Variants in LEPR observed in about 807,000 individuals in gnomAD.
LEPR encodes leptin receptor, also known as OB receptor.
A neutral mutation model predicts 114.7 loss-of-function variants in LEPR; 56 were observed. That is an observed-to-expected ratio of 0.49 (90% CI 0.39 to 0.61). LEPR has a LOEUF of 0.61. Among genes scored for constraint, LEPR ranks in the 20% least tolerant of loss-of-function variants. LEPR has a pLI of 0.00. For synonymous variants in LEPR, 443 were observed against 461.4 expected (o/e 0.96, Z 0.51); for missense variants, 1,202 against 1,352.9 (o/e 0.89, Z 1.75).
At chr1:65,494,845 C>T (rs1248177473) in intron 2 of LEPR, among the ~76,000 whole-genome samples, 1 of 152,048 alleles carries the variant, frequency 6.6e-6, no homozygotes, top group Non-Finnish European at 1.5e-5. Context: ...CTCTATCTAT[C>T]ATGACCTGGG....
chr1:65,593,514 A>C (rs904683940), intron 6 of LEPR, among the ~76,000 whole-genome samples: 3 of 152,098 alleles, frequency 2.0e-5, no homozygotes, highest in Non-Finnish European at 4.4e-5. Flanking sequence ...ATTTCATTTA[A>C]TTATGTATAA....
rs13306524 is a variant in LEPR, at chr1:65,637,146, CTGTT to C, written c.*136_*139del. Reference sequence around the variant, plus strand: ...AATAATTGTTCCAAATGAATGTTGTCTGTTTGTTCTCTCTTAGTAACATAGACAA... The same window carrying C: ...AATAATTGTTCCAAATGAATGTTGTCTGTTCTCTCTTAGTAACATAGACAA... On this transcript the variant is annotated 3_prime_UTR_variant, in exon 20 of 20. Transcript: ENST00000349533. 1.6e-3 allele frequency: 1,756 copies of C among 1,097,970 alleles called. 47 individuals carry two copies. The East Asian group carries it at 0.043, about 27-fold the overall frequency. The allele number at this position is 1,097,970 out of a possible 1,614,324, so 68.0% of individuals were successfully genotyped here. A position where few individuals can be genotyped will look rare whatever the true frequency, so the allele number is the denominator to read the frequency against.
chr1:65,459,254 GT>G, intron 2 of LEPR, among the ~76,000 whole-genome samples: 1 of 152,314 alleles, frequency 6.6e-6, no homozygotes, highest in Non-Finnish European at 1.5e-5. Context: ...GCCAGTGGTA[GT>G]TACCGAGAAG....
chr1:65,442,166 T>TA (rs1479128102), intron 2 of LEPR, among the ~76,000 whole-genome samples: 9 of 152,074 alleles, frequency 5.9e-5, no homozygotes, highest in African/African-American at 2.2e-4. Flanking sequence ...TAAGCCCTTT[T>TA]TAAAAAAATA....
intron 2 of LEPR, among the ~76,000 whole-genome samples, chr1:65,491,698 G>A (rs1647879377): frequency 6.6e-6 from 1 of 152,058 alleles, no homozygotes; most frequent in South Asian, 2.1e-4. Context: ...GGAGTATGTA[G>A]ATCATCTTGA....
chr1:65,526,292 T>TC (rs890162770), intron 2 of LEPR: 16 of 985,080 alleles, frequency 1.6e-5, no homozygotes, highest in Admixed American at 6.2e-5. Flanking sequence ...GTTTCCCACC[T>TC]CCCCCCTTCC....
chr1:65,631,241 A>AT (rs1658506667), intron 19 of LEPR, among the ~76,000 whole-genome samples: 1 of 152,082 alleles, frequency 6.6e-6, no homozygotes. Flanking sequence ...TAGTTCTTAC[A>AT]TGGAGGCTCT....
intron 6 of LEPR, among the ~76,000 whole-genome samples, chr1:65,595,063 T>G (rs1339443309): frequency 1.2e-4 from 19 of 152,028 alleles, no homozygotes. Context: ...ATGGAATGAC[T>G]ATGACACATC....
intron 15 of LEPR, 77 bp downstream of exon 15, chr1:65,616,301 T>C: frequency 6.9e-7 from 1 of 1,440,028 alleles, no homozygotes; most frequent in Non-Finnish European, 9.5e-7. Context: ...TTTTAAATTA[T>C]CTTTCAAGCA....
intron 5 of LEPR, among the ~76,000 whole-genome samples, chr1:65,586,032 A>G (rs530160986): frequency 9.9e-5 from 15 of 152,132 alleles, no homozygotes; most frequent in Admixed American, 3.3e-4. Flanking sequence ...AAATATTGAC[A>G]TGATTCAGGT....
Position 65,637,156 on chromosome 1 carries a change from T to G in LEPR, c.*141T>G. The G allele has an allele frequency of 9.8e-7, 1 of 1,016,620 alleles. No individual in the cohort carries two copies. Among genetic ancestry groups the G allele is most frequent in the South Asian group, 1.7e-5 (1 of 57,644 alleles). 63.0% of individuals were successfully genotyped at this position (1,016,620 alleles called of 1,614,324 possible). A position where few individuals can be genotyped will look rare whatever the true frequency, so the allele number is the denominator to read the frequency against. On this transcript the variant is annotated 3_prime_UTR_variant, in exon 20 of 20. Transcript: ENST00000349533. ...CCAAATGAATGTTGTCTGTTTGTTCTCTCTTAGTAACATAGACAAAAAATT... is the reference window on the plus strand; with the variant it reads ...CCAAATGAATGTTGTCTGTTTGTTCGCTCTTAGTAACATAGACAAAAAATT...
At chr1:65,589,742 T>G (rs1655560891) in intron 5 of LEPR, among the ~76,000 whole-genome samples, 1 of 152,118 alleles carries the variant, frequency 6.6e-6, no homozygotes, top group Admixed American at 6.6e-5. Context: ...TAAGTGTTAG[T>G]CTATTCTAGA....
Position 65,601,857 on chromosome 1 carries a change from A to G in LEPR, c.1300A>G (p.Ile434Val). The G allele has an allele frequency of 6.2e-7, 1 of 1,613,182 alleles. No homozygotes were observed. The highest frequency in any genetic ancestry group is 8.5e-7 in the Non-Finnish European group (1 of 1,179,262). Residue 434 changes from isoleucine to valine, a missense_variant, in exon 10 of 20, where the codon ATC becomes GTC. Physicochemically the swap from Ile to Val is conservative, Grantham distance 29. Coordinates refer to ENST00000349533, the MANE Select transcript of LEPR (RefSeq NM_002303.6). Reference protein sequence around the residue: ...ELYVIDVNINISCETDGYLTK... With the variant: ...ELYVIDVNINVSCETDGYLTK... ...GTTTCAAATAGATGTCAATATCAAT[A>G]TCTCATGTGAAACTGATGGGTACTT...
At chr1:65,494,770 G>A (rs185910888) in intron 2 of LEPR, among the ~76,000 whole-genome samples, 83 of 152,028 alleles carry the variant, frequency 5.5e-4, no homozygotes, top group Non-Finnish European at 1.1e-3. Flanking sequence ...AATCTTTGGC[G>A]CCTAATCTCC....
chr1:65,549,199 C>T (rs1359646261), intron 2 of LEPR, among the ~76,000 whole-genome samples: 1 of 151,434 alleles, frequency 6.6e-6, no homozygotes, highest in Non-Finnish European at 1.5e-5. Context: ...GATGGGCTTC[C>T]CTTTGTGGGT....
At chr1:65,441,864 C>T (rs1193612546) in intron 2 of LEPR, among the ~76,000 whole-genome samples, 1 of 152,160 alleles carries the variant, frequency 6.6e-6, no homozygotes, top group African/African-American at 2.4e-5. Flanking sequence ...AAACCCTCTC[C>T]CCTTTTCCCA....
At position 65,451,340 on chromosome 1, in the gene LEPR, G is replaced by A. The variant is rs1302295970; in HGVS notation, c.-21+25962G>A. 2.0e-5 allele frequency among the ~76,000 whole-genome samples: 3 copies of A among 152,116 alleles called. No homozygotes were observed. The East Asian group carries it at 5.8e-4, about 29-fold the overall frequency. On this transcript the variant is annotated intron_variant, in intron 2 of 19. Coordinates refer to ENST00000349533, the MANE Select transcript of LEPR (RefSeq NM_002303.6). ...CCATTGCTCTTGGTGTTTTAGACAT[G>A]AAGTCCTTGCCCATGCCTATGTCCT...
chr1:65,439,654 TAAAAATACA>T (rs1646621041), intron 2 of LEPR, among the ~76,000 whole-genome samples: 1 of 151,742 alleles, frequency 6.6e-6, no homozygotes, highest in South Asian at 2.1e-4. Flanking sequence ...CTGTCTCTAC[TAAAAATACA>T]AAAAATTAGC....
At chr1:65,516,452 A>C (rs901188108) in intron 2 of LEPR, among the ~76,000 whole-genome samples, 1 of 147,336 alleles carries the variant, frequency 6.8e-6, no homozygotes, top group Admixed American at 6.8e-5. Context: ...TCAAAAAAAA[A>C]CAAACCAAAC....
Sources: gnomAD v4.1 joint callset for allele counts (sites outside exome capture counted in the v4.1 genomes callset) on GRCh38, gnomAD v4.1.1 for gene constraint, MANE v1.5 for transcripts, NCBI Gene and HGNC (gene_info 2026-07-23, HGNC 2026-07-21) for gene names.